IPO11: variants seen among roughly 807,000 people sequenced by gnomAD.
The protein encoded by IPO11 is importin-11.
IPO11 carries 66 observed loss-of-function variants against 143.2 expected under a neutral mutation model. That is an observed-to-expected ratio of 0.46 (90% CI 0.38 to 0.57). IPO11 has a LOEUF of 0.57. IPO11 is among the 20% of genes least tolerant of loss of function. The pLI is 0.00. For synonymous variants in IPO11, 385 were observed against 377.8 expected, an observed-to-expected ratio of 1.02 and a Z score of -0.22; for missense variants, 1,026 against 1,141.0, an observed-to-expected ratio of 0.90 and a Z score of 1.45.
chr5:62,442,135 C>A (rs751990865), intron 2 of IPO11, among the ~76,000 whole-genome samples: 2 of 152,130 alleles, frequency 1.3e-5, no homozygotes, highest in African/African-American at 2.4e-5. Context: ...TGAGCTACCG[C>A]GCCCAGCTTT....
At chr5:62,421,174 A>G (rs181551334) in intron 1 of IPO11, among the ~76,000 whole-genome samples, 1 of 152,100 alleles carries the variant, frequency 6.6e-6, no homozygotes, top group East Asian at 1.9e-4. Context: ...TTTTCTATAT[A>G]TTTTCTGCTT....
At chr5:62,524,931 A>G (rs1169195032) in intron 20 of IPO11, among the ~76,000 whole-genome samples, 2 of 152,118 alleles carry the variant, frequency 1.3e-5, no homozygotes, top group Non-Finnish European at 2.9e-5. Flanking sequence ...TATAGATATT[A>G]TTATGTTTTA....
rs184340903 is a variant in IPO11 at position 62,452,961 on chromosome 5, C to T, written c.516+1028C>T. Among the ~76,000 whole-genome samples the T allele has an allele frequency of 4.6e-5, 7 of 150,562 alleles. 2 individuals are homozygous for T. The highest frequency in any genetic ancestry group is 1.7e-4 in the African/African-American group (7 of 40,022). ...AGAGATGAAGTCTCACTATGTTACC[C>T]ATGCTTTAAAGTGTTTTTAACAGTG... On this transcript the variant is annotated intron_variant, in intron 5 of 29. Transcript: ENST00000325324.
intron 24 of IPO11, among the ~76,000 whole-genome samples, chr5:62,543,843 A>G (rs1743048585): frequency 6.6e-6 from 1 of 151,550 alleles, no homozygotes; most frequent in African/African-American, 2.4e-5. Flanking sequence ...ATTTCTGTCT[A>G]CACGCTGCTT....
Position 62,601,813 on chromosome 5 carries a change from GA to G in IPO11, c.2730del (p.Glu910AspfsTer15). ...LEEPKVTEDE[E>X]PPTEQDKRKK... ...GGAACCAAAAGTAACAGAAGATGAA[GA>G]ACCACCCACAGAACAAGATAAGAGG... On this transcript the variant is annotated frameshift_variant, in exon 29 of 30. Transcript: ENST00000325324. LOFTEE classifies it high-confidence loss of function. 1 of 1,597,236 alleles carries G rather than the reference GA, an allele frequency of 6.3e-7. No homozygotes were observed. The highest frequency in any genetic ancestry group is 8.5e-7 in the Non-Finnish European group (1 of 1,171,384).
intron 29 of IPO11, among the ~76,000 whole-genome samples, chr5:62,619,845 C>T (rs910353103): frequency 7.9e-5 from 12 of 151,234 alleles, no homozygotes; most frequent in African/African-American, 1.2e-4. Flanking sequence ...GGTGACAGGG[C>T]GAGACTCCAC....
At chr5:62,614,529 C>T (rs1746053882) in intron 29 of IPO11, among the ~76,000 whole-genome samples, 1 of 152,056 alleles carries the variant, frequency 6.6e-6, no homozygotes. Context: ...ACCTGACCCG[C>T]CCCCCCTCAC....
intron 27 of IPO11, among the ~76,000 whole-genome samples, chr5:62,575,592 A>C (rs990081950): frequency 3.3e-5 from 5 of 152,138 alleles, no homozygotes; most frequent in African/African-American, 1.2e-4. Context: ...CCCCCAGCAG[A>C]ATAGAGTGTT....
Position 62,487,851 on chromosome 5 carries a change from A to G in IPO11, c.1299A>G (p.Gln433=), listed in dbSNP as rs781473404. The change falls in exon 13 of 30, where the codon CAA becomes CAG. Residue 433 remains glutamine (Q), a synonymous_variant. Coordinates refer to ENST00000325324, the MANE Select transcript of IPO11 (RefSeq NM_016338.5). ...CTCCTGTACTTCTAGAAATGATGCA[A>G]ACACTTCAAGGTAAGGCATATTTTG... The part of the protein sequence containing the change: ...TLTPVLLEMM[Q]TLQGPTNVED... 2.2e-5 allele frequency: 35 copies of G among 1,608,932 alleles called. No homozygotes were observed. The East Asian group carries it at 3.4e-4, about 15-fold the overall frequency.
At chr5:62,563,676 C>T (rs886698127) in intron 27 of IPO11, among the ~76,000 whole-genome samples, 2 of 151,862 alleles carry the variant, frequency 1.3e-5, no homozygotes, top group Admixed American at 1.3e-4. Context: ...TCATATACAC[C>T]TCATATAGTC....
At chr5:62,591,856 A>G (rs1745034550) in intron 28 of IPO11, among the ~76,000 whole-genome samples, 184 bp downstream of exon 28, 1 of 151,954 alleles carries the variant, frequency 6.6e-6, no homozygotes, top group South Asian at 2.1e-4. Context: ...CACCTTATTT[A>G]TTTATTTATT....
Position 62,435,200 on chromosome 5 carries a change from G to GTATATA in IPO11, c.-6-2070_-6-2065dup, listed in dbSNP as rs1175661794. 4.8e-5 allele frequency among the ~76,000 whole-genome samples: 5 copies of GTATATA among 104,696 alleles called. 1 individual carries two copies. Among genetic ancestry groups the GTATATA allele is most frequent in the African/African-American group, 1.5e-4 (4 of 27,352 alleles). The allele number at this position is 104,696 out of a possible 152,430, so 68.7% of individuals were successfully genotyped here. A position where few individuals can be genotyped will look rare whatever the true frequency, so the allele number is the denominator to read the frequency against. ...TATATGTATATATATGTATATATATGTATATATATGTGTATATATATATAT... is the reference window on the plus strand; with the variant it reads ...TATATGTATATATATGTATATATATGTATATATATATATATGTGTATATATATATAT... On this transcript the variant is annotated intron_variant, in intron 1 of 29. Coordinates refer to ENST00000325324, the MANE Select transcript of IPO11 (RefSeq NM_016338.5).
chr5:62,606,506 A>AAAAAT (rs70981028), intron 29 of IPO11, among the ~76,000 whole-genome samples: 1 of 147,922 alleles, frequency 6.8e-6, no homozygotes, highest in African/African-American at 2.5e-5. Context: ...AAAAAAAAAA[A>AAAAAT]GGAGAACCCT....
chr5:62,478,487 G>A (rs1025903238), intron 9 of IPO11, among the ~76,000 whole-genome samples: 4 of 152,002 alleles, frequency 2.6e-5, no homozygotes, highest in African/African-American at 7.3e-5. Context: ...TTTTTAAATA[G>A]GATCTTAACA....
chr5:62,464,624 A>G (rs1448916493), intron 5 of IPO11, among the ~76,000 whole-genome samples: 2 of 151,190 alleles, frequency 1.3e-5, no homozygotes, highest in Non-Finnish European at 2.9e-5. Flanking sequence ...GTATAGGCGC[A>G]CCCCACCATG....
intron 27 of IPO11, chr5:62,579,414 G>T: frequency 6.5e-7 from 1 of 1,549,466 alleles, no homozygotes; most frequent in South Asian, 1.2e-5. Flanking sequence ...ATTCTGATCT[G>T]AACAGAAAAT....
At chr5:62,430,853 A>G (rs1438177074) in intron 1 of IPO11, among the ~76,000 whole-genome samples, 1 of 147,980 alleles carries the variant, frequency 6.8e-6, no homozygotes, top group African/African-American at 2.5e-5. Context: ...AATTTTTTGA[A>G]TTTTAGTAGA....
At chr5:62,611,032 G>C (rs1745909798) in intron 29 of IPO11, among the ~76,000 whole-genome samples, 1 of 152,086 alleles carries the variant, frequency 6.6e-6, no homozygotes, top group African/African-American at 2.4e-5. Context: ...TTGTACTGCT[G>C]TTGATACATC....
At chr5:62,440,507 C>A (rs184573648) in intron 2 of IPO11, among the ~76,000 whole-genome samples, 7 of 151,862 alleles carry the variant, frequency 4.6e-5, no homozygotes, top group Admixed American at 3.9e-4. Context: ...GGCGCCCCCC[C>A]ACCATGCCTA....
Sources: allele counts gnomAD v4.1 joint callset (sites outside exome capture counted in the v4.1 genomes callset), GRCh38; gene constraint gnomAD v4.1.1; transcripts MANE v1.5; gene names NCBI Gene and HGNC (gene_info 2026-07-23, HGNC 2026-07-21).